CPNE4: variants seen among roughly 807,000 people sequenced by gnomAD.
CPNE4 encodes the protein copine 4.
Under a neutral mutation model 67.9 loss-of-function variants are expected in CPNE4, and 25 were observed. The observed-to-expected ratio is 0.37, with a 90% CI of 0.27 to 0.51. The LOEUF (loss-of-function observed/expected upper bound fraction) is 0.51, where lower values mean the gene tolerates loss of function less well. Ranked by LOEUF, CPNE4 falls within the 20% of genes least tolerant of loss-of-function variation. CPNE4 has a pLI of 0.93. For missense variants in CPNE4, 464 were observed against 690.8 expected (o/e 0.67, Z 3.68); for synonymous variants, 242 against 244.9 (o/e 0.99, Z 0.11).
chr3:131,635,382 C>G (rs2079351199), intron 7 of CPNE4, among the ~76,000 whole-genome samples: 3 of 152,136 alleles, frequency 2.0e-5, no homozygotes, highest in African/African-American at 7.2e-5. Flanking sequence ...AAATACTATT[C>G]AAAAGTATAC....
chr3:131,655,952 T>A (rs555784225), intron 7 of CPNE4, among the ~76,000 whole-genome samples: 1 of 151,984 alleles, frequency 6.6e-6, no homozygotes, highest in South Asian at 2.1e-4. Flanking sequence ...ATTTAGAAAA[T>A]CCACAAGGCT....
chr3:131,788,568 C>T (rs1243303015), intron 2 of CPNE4, among the ~76,000 whole-genome samples: 1 of 152,064 alleles, frequency 6.6e-6, no homozygotes, highest in Non-Finnish European at 1.5e-5. Flanking sequence ...TAAATTTATA[C>T]AACTTTTCTT....
At chr3:131,698,666 C>T (rs955831918) in intron 4 of CPNE4, among the ~76,000 whole-genome samples, 6 of 150,068 alleles carry the variant, frequency 4.0e-5, no homozygotes, top group Non-Finnish European at 8.9e-5. Flanking sequence ...AATCCCAGCA[C>T]TTTGGGAAGC....
intron 1 of CPNE4, among the ~76,000 whole-genome samples, chr3:131,948,547 A>G (rs1238284430): frequency 6.6e-6 from 1 of 152,170 alleles, no homozygotes; most frequent in African/African-American, 2.4e-5. Flanking sequence ...ATTGTTCCTT[A>G]ATTTCTTTTT....
intron 7 of CPNE4, among the ~76,000 whole-genome samples, chr3:131,657,402 A>G (rs2079998741): frequency 6.6e-6 from 1 of 152,212 alleles, no homozygotes; most frequent in South Asian, 2.1e-4. Context: ...TATTCATTTG[A>G]TAGTTCAATG....
chr3:131,710,933 A>G (rs1193445928), intron 3 of CPNE4, among the ~76,000 whole-genome samples: 1 of 152,232 alleles, frequency 6.6e-6, no homozygotes, highest in African/African-American at 2.4e-5. Flanking sequence ...TTCAGGAGGC[A>G]TGTAATCTTG....
chr3:131,920,000 T>G (rs77879713), intron 1 of CPNE4, among the ~76,000 whole-genome samples: 1,841 of 152,316 alleles, frequency 0.012, 35 homozygotes, highest in African/African-American at 0.042. Context: ...TTGTAATTTA[T>G]TCCTCATTGC....
At chr3:131,786,762 G>C (rs898868212) in intron 2 of CPNE4, among the ~76,000 whole-genome samples, 8 of 152,170 alleles carry the variant, frequency 5.3e-5, no homozygotes, top group Non-Finnish European at 1.0e-4. Context: ...GATTAAGTGA[G>C]AATATCCTTA....
chr3:131,860,772 A>G (rs1178808922), intron 2 of CPNE4, among the ~76,000 whole-genome samples: 1 of 152,208 alleles, frequency 6.6e-6, no homozygotes, highest in East Asian at 1.9e-4. Context: ...CTGTGTGCCA[A>G]TCAATGCAAA....
chr3:131,967,187 A>G (rs939157358), intron 1 of CPNE4, among the ~76,000 whole-genome samples: 3 of 152,238 alleles, frequency 2.0e-5, no homozygotes, highest in African/African-American at 7.2e-5. Flanking sequence ...TTCATGCTAA[A>G]AACACTCAAT....
At chr3:131,614,362 A>G (rs1414500078) in intron 7 of CPNE4, among the ~76,000 whole-genome samples, 1 of 152,244 alleles carries the variant, frequency 6.6e-6, no homozygotes, top group Non-Finnish European at 1.5e-5. Context: ...GGTGAAAACC[A>G]AAGTGAAATT....
At chr3:131,698,002 C>T (rs1031512641) in intron 4 of CPNE4, among the ~76,000 whole-genome samples, 7 of 151,592 alleles carry the variant, frequency 4.6e-5, no homozygotes, top group Admixed American at 6.6e-5. Context: ...GGAGGTGAGG[C>T]GGGCGGATCA....
At chr3:131,931,618 C>G (rs1431134868) in intron 1 of CPNE4, among the ~76,000 whole-genome samples, 1 of 152,052 alleles carries the variant, frequency 6.6e-6, no homozygotes, top group Non-Finnish European at 1.5e-5. Flanking sequence ...CCCCTTATAT[C>G]ACAAAGAACA....
intron 1 of CPNE4, among the ~76,000 whole-genome samples, chr3:132,014,167 C>T (rs1300923612): frequency 6.6e-6 from 1 of 152,192 alleles, no homozygotes; most frequent in East Asian, 1.9e-4. Context: ...GAAGACATGT[C>T]TGCAGCTCTG....
At chr3:131,918,416 C>A (rs963630985) in intron 1 of CPNE4, among the ~76,000 whole-genome samples, 1 of 152,124 alleles carries the variant, frequency 6.6e-6, no homozygotes, top group Non-Finnish European at 1.5e-5. Context: ...GATGAAAAGA[C>A]AAGGTTTCTA....
At chr3:131,650,965 A>G (rs1246379892) in intron 7 of CPNE4, among the ~76,000 whole-genome samples, 4 of 152,242 alleles carry the variant, frequency 2.6e-5, no homozygotes, top group Non-Finnish European at 5.9e-5. Flanking sequence ...TATCCATGAT[A>G]TCCTGTGTCA....
chr3:131,980,512 C>T (rs1283715535), intron 1 of CPNE4, among the ~76,000 whole-genome samples: 2 of 151,972 alleles, frequency 1.3e-5, no homozygotes, highest in East Asian at 3.9e-4. Context: ...GAGCATTTCA[C>T]ATTTCTAAAA....
At chr3:131,975,346 G>T (rs556027663) in intron 1 of CPNE4, among the ~76,000 whole-genome samples, 1 of 152,122 alleles carries the variant, frequency 6.6e-6, no homozygotes, top group African/African-American at 2.4e-5. Context: ...GAAAAACCCC[G>T]GTTGGCAACT....
At chr3:131,796,509 T>A (rs543911067) in intron 2 of CPNE4, among the ~76,000 whole-genome samples, 4,315 of 152,274 alleles carry the variant, frequency 0.028, 212 homozygotes, top group African/African-American at 0.097. Context: ...TTGCAGTCTT[T>A]GGAGGAAATG....
Sources: allele counts gnomAD v4.1 joint callset (sites outside exome capture counted in the v4.1 genomes callset), GRCh38; gene constraint gnomAD v4.1.1; transcripts MANE v1.5; gene names NCBI Gene and HGNC (gene_info 2026-07-23, HGNC 2026-07-21).